The following DNAJC5B variants were observed in gnomAD, a reference collection of about 807,000 sequenced individuals.
DNAJC5B encodes the protein DnaJ heat shock protein family (Hsp40) member C5 beta.
DNAJC5B carries 23 observed loss-of-function variants against 24.7 expected under a neutral mutation model. The ratio of observed to expected loss-of-function variants is 0.93; its 90% CI spans 0.67 to 1.32. The LOEUF is 1.32. DNAJC5B is among the 40% of genes most tolerant of loss of function. DNAJC5B has a pLI of 0.00. For missense variants in DNAJC5B, 238 were observed against 240.8 expected (o/e 0.99, Z 0.08); for synonymous variants, 101 against 90.1 (o/e 1.12, Z -0.68).
chr8:66,080,468 C>T lies in DNAJC5B; in HGVS notation c.425C>T (p.Pro142Leu). The T allele has an allele frequency of 6.2e-7, 1 of 1,614,014 alleles. No homozygotes were observed. The highest frequency in any genetic ancestry group is 8.5e-7 in the Non-Finnish European group (1 of 1,180,000). ...AACTGCTGCTGTGGACACTGCCGGC[C>T]CGAGTCATCAGTGCCAGAAGAGGAC... ...CCNCCCGHCRPESSVPEEDFY... is the reference protein window; with the variant it reads ...CCNCCCGHCRLESSVPEEDFY... Residue 142 changes from proline (P) to leucine (L), a missense_variant, in exon 5 of 6, where the codon CCC becomes CTC. Coordinates refer to ENST00000276570, the MANE Select transcript of DNAJC5B (RefSeq NM_033105.6).
intron 4 of DNAJC5B, among the ~76,000 whole-genome samples, chr8:66,079,819 T>A (rs1424808195): frequency 6.6e-6 from 1 of 152,138 alleles, no homozygotes; most frequent in Non-Finnish European, 1.5e-5. Flanking sequence ...AGACTAGACA[T>A]AGTGAAGGTC....
At chr8:66,069,081 T>C (rs1807288511) in intron 3 of DNAJC5B, among the ~76,000 whole-genome samples, 1 of 151,536 alleles carries the variant, frequency 6.6e-6, no homozygotes, top group African/African-American at 2.4e-5. Context: ...TAAAAGAATA[T>C]ATAATTTCTA....
At chr8:66,067,807 A>G (rs989023740) in intron 3 of DNAJC5B, among the ~76,000 whole-genome samples, 3 of 152,190 alleles carry the variant, frequency 2.0e-5, no homozygotes, top group Admixed American at 6.5e-5. Context: ...ATCAGCTCCA[A>G]TGAAGTTTCC....
chr8:66,078,442 C>G (rs2128964189), intron 4 of DNAJC5B, among the ~76,000 whole-genome samples: 1 of 152,210 alleles, frequency 6.6e-6, no homozygotes, highest in East Asian at 1.9e-4. Context: ...CTACCTGTGC[C>G]TAGTACTGTA....
At chr8:66,064,796 C>T (rs111611950) in intron 3 of DNAJC5B, among the ~76,000 whole-genome samples, 3 of 152,086 alleles carry the variant, frequency 2.0e-5, no homozygotes, top group African/African-American at 7.3e-5. Context: ...AGTTCAGGTC[C>T]TCATCCCCTA....
At chr8:66,085,197 T>C (rs1399755575) in intron 5 of DNAJC5B, among the ~76,000 whole-genome samples, 2 of 152,180 alleles carry the variant, frequency 1.3e-5, no homozygotes, top group Non-Finnish European at 2.9e-5. Flanking sequence ...CCCAGCAATT[T>C]GGGAGGCGGA....
chr8:66,033,650 C>T (rs1362661012), intron 1 of DNAJC5B, among the ~76,000 whole-genome samples: 1 of 152,050 alleles, frequency 6.6e-6, no homozygotes, highest in East Asian at 1.9e-4. Context: ...TGTCTTGTTT[C>T]AGCCTAGGAC....
At chr8:66,061,608 A>T (rs1198262737) in intron 3 of DNAJC5B, among the ~76,000 whole-genome samples, 23 of 148,804 alleles carry the variant, frequency 1.5e-4, no homozygotes, top group African/African-American at 2.3e-4. Context: ...AGAGAGAGAG[A>T]GAGTGTGTGT....
intron 3 of DNAJC5B, among the ~76,000 whole-genome samples, chr8:66,068,695 C>T (rs940990361): frequency 6.6e-6 from 1 of 151,914 alleles, no homozygotes; most frequent in African/African-American, 2.4e-5. Flanking sequence ...AACAACATGT[C>T]GATTTTCCAG....
intron 4 of DNAJC5B, 62 bp from the exon 5 acceptor site, chr8:66,080,315 A>G: frequency 6.4e-7 from 1 of 1,565,370 alleles, no homozygotes; most frequent in Admixed American, 1.8e-5. Flanking sequence ...ACTTGATTTC[A>G]TGGGTTCTCC....
intron 5 of DNAJC5B, among the ~76,000 whole-genome samples, chr8:66,089,586 A>G (rs750212052): frequency 2.6e-5 from 4 of 152,214 alleles, no homozygotes; most frequent in Non-Finnish European, 5.9e-5. Context: ...TTATGTGCAT[A>G]TTCAAACATG....
intron 1 of DNAJC5B, among the ~76,000 whole-genome samples, chr8:66,028,256 TACTC>T (rs758716544): frequency 2.0e-5 from 3 of 152,178 alleles, no homozygotes; most frequent in Non-Finnish European, 1.5e-5. Flanking sequence ...GCTCTTCTCT[TACTC>T]ACCGGCGCTC....
intron 4 of DNAJC5B, 115 bp from the exon 5 acceptor site, chr8:66,080,262 T>C (rs960741861): frequency 4.2e-6 from 6 of 1,424,662 alleles, no homozygotes; most frequent in Non-Finnish European, 5.7e-6. Context: ...GCCTGTGGGG[T>C]GAACTGTGAA....
chr8:66,073,389 C>T (rs11997605), intron 3 of DNAJC5B, among the ~76,000 whole-genome samples: 54,577 of 151,728 alleles, frequency 0.36, 13,698 homozygotes, highest in African/African-American at 0.71. Flanking sequence ...TGAAATAGGT[C>T]GACATACTAT....
chr8:66,036,575 C>T (rs943526068), intron 1 of DNAJC5B, among the ~76,000 whole-genome samples: 1 of 152,218 alleles, frequency 6.6e-6, no homozygotes, highest in East Asian at 1.9e-4. Context: ...TCTTAGGTGG[C>T]TGGGGGACAG....
At chr8:66,087,071 GA>G (rs1807742562) in intron 5 of DNAJC5B, among the ~76,000 whole-genome samples, 1 of 152,132 alleles carries the variant, frequency 6.6e-6, no homozygotes, top group Admixed American at 6.5e-5. Flanking sequence ...CTGTTATAAA[GA>G]TACAACCAGA....
intron 5 of DNAJC5B, among the ~76,000 whole-genome samples, chr8:66,096,768 C>G (rs1381157740): frequency 6.6e-6 from 1 of 151,932 alleles, no homozygotes; most frequent in East Asian, 1.9e-4. Context: ...TTAAATGTAG[C>G]TTGGGTTTTT....
chr8:66,051,797 C>T, intron 3 of DNAJC5B, 131 bp downstream of exon 3: 1 of 691,240 alleles, frequency 1.4e-6, no homozygotes, highest in East Asian at 2.6e-5. Context: ...GTTCCCTGCT[C>T]TACAACATAG....
intron 1 of DNAJC5B, among the ~76,000 whole-genome samples, chr8:66,026,302 A>T (rs1806242199): frequency 6.6e-6 from 1 of 151,894 alleles, no homozygotes; most frequent in South Asian, 2.1e-4. Context: ...GAAGTTGCTT[A>T]TCAGCTTAAG....
Sources: allele counts gnomAD v4.1 joint callset (sites outside exome capture counted in the v4.1 genomes callset), GRCh38; gene constraint gnomAD v4.1.1; transcripts MANE v1.5; gene names NCBI Gene and HGNC (gene_info 2026-07-23, HGNC 2026-07-21).